The following GNAO1 variants were observed in gnomAD, a reference collection of about 807,000 sequenced individuals.
The protein encoded by GNAO1 is G protein subunit alpha o1, also known as guanine nucleotide-binding protein G(o) subunit alpha.
For synonymous variants in GNAO1, 164 were observed against 180.7 expected (o/e 0.91, Z 0.74); for missense variants, 166 against 478.7 (o/e 0.35, Z 6.10).
chr16:56,257,531 G>T lies in GNAO1; in HGVS notation c.162-18400G>T, dbSNP rs73554437. Among the ~76,000 whole-genome samples, 1,179 of 152,140 alleles carry T rather than the reference G, an allele frequency of 7.7e-3. 18 individuals carry two copies. The highest frequency in any genetic ancestry group is 0.027 in the African/African-American group (1,123 of 41,502). ...CAGCTGTGTAGAGCCTTCTGGCTGTGCATCTTGTTGGGTCCTTGGGGGGGT... is the reference window on the plus strand; with the variant it reads ...CAGCTGTGTAGAGCCTTCTGGCTGTTCATCTTGTTGGGTCCTTGGGGGGGT... On this transcript the variant is annotated intron_variant, in intron 2 of 8. Transcript: ENST00000262493.
At chr16:56,210,659 TAATGATAAATGA>T (rs2036377671) in intron 2 of GNAO1, among the ~76,000 whole-genome samples, 1 of 152,262 alleles carries the variant, frequency 6.6e-6, no homozygotes, top group South Asian at 2.1e-4. Context: ...TGGATTTCTC[TAATGATAAATGA>T]TGCGGAGCAT....
intron 3 of GNAO1, among the ~76,000 whole-genome samples, chr16:56,286,214 T>C (rs1248300305): frequency 2.0e-5 from 3 of 152,178 alleles, no homozygotes; most frequent in African/African-American, 7.2e-5. Flanking sequence ...GCACACACGC[T>C]CATCAGCTTC....
chr16:56,346,477 T>C, intron 6 of GNAO1: 2 of 985,418 alleles, frequency 2.0e-6, no homozygotes, highest in Non-Finnish European at 2.4e-6. Context: ...CTTTCATGCC[T>C]ATGGGCCAGT....
chr16:56,336,459 T>C (rs1407034625), intron 5 of GNAO1: 1 of 344,922 alleles, frequency 2.9e-6, no homozygotes, highest in Admixed American at 4.5e-5. Flanking sequence ...GCCCTCTTAG[T>C]AAAATGCTCC....
At chr16:56,337,928 A>T (rs1276176672) in intron 6 of GNAO1, among the ~76,000 whole-genome samples, 1 of 152,128 alleles carries the variant, frequency 6.6e-6, no homozygotes, top group Non-Finnish European at 1.5e-5. Flanking sequence ...TTCTGTCTGG[A>T]ACACATGCAA....
rs1451256594 is a variant in GNAO1, at chr16:56,336,821, C to T, written c.684C>T (p.Leu228=). The T allele has an allele frequency of 1.9e-6, 3 of 1,613,378 alleles. No homozygotes were observed. The highest frequency in any genetic ancestry group is 3.3e-5 in the Admixed American group (2 of 59,990). Residue 228 remains leucine, a synonymous_variant, in exon 6 of 9, where the codon CTC becomes CTT. Transcript: ENST00000262493. ...DVTAIIFCVA[L]SGYDQVLHED... ...CGGCCATCATTTTCTGTGTCGCGCT[C>T]AGCGGCTATGACCAGGTGCTCCACG...
intron 4 of GNAO1, among the ~76,000 whole-genome samples, chr16:56,332,334 G>A (rs1257552556): frequency 3.9e-5 from 6 of 152,016 alleles, no homozygotes; most frequent in Non-Finnish European, 5.9e-5. Context: ...GCTTCCTGCC[G>A]CCATGCCTGC....
At chr16:56,345,038 GC>G in intron 6 of GNAO1, 2 of 985,422 alleles carry the variant, frequency 2.0e-6, no homozygotes, top group South Asian at 9.4e-5. Flanking sequence ...TTGGACCCAG[GC>G]CAGCACAAAC....
At chr16:56,198,859 C>A (rs1253049048) in intron 2 of GNAO1, among the ~76,000 whole-genome samples, 1 of 152,162 alleles carries the variant, frequency 6.6e-6, no homozygotes, top group Non-Finnish European at 1.5e-5. Context: ...TGGCTTCTTC[C>A]CCTTGCCTGC....
chr16:56,289,719 G>A (rs1324670032), intron 3 of GNAO1, among the ~76,000 whole-genome samples: 1 of 152,168 alleles, frequency 6.6e-6, no homozygotes. Flanking sequence ...AGGCCTTTGG[G>A]CAGCTGGCTG....
At chr16:56,259,611 A>T (rs2036884770) in intron 2 of GNAO1, among the ~76,000 whole-genome samples, 1 of 152,240 alleles carries the variant, frequency 6.6e-6, no homozygotes, top group Non-Finnish European at 1.5e-5. Flanking sequence ...TCATCCATGC[A>T]TCCATTGTTC....
chr16:56,250,332 C>G lies in GNAO1; in HGVS notation c.162-25599C>G, dbSNP rs116866757. 6.3e-3 allele frequency among the ~76,000 whole-genome samples: 952 copies of G among 152,284 alleles called. 3 individuals are homozygous for G. The highest frequency in any genetic ancestry group is 0.012 in the Admixed American group (177 of 15,300). On this transcript the variant is annotated intron_variant, in intron 2 of 8. Coordinates refer to ENST00000262493, the MANE Select transcript of GNAO1 (RefSeq NM_020988.3). ...CACAGATCTAGAAGGCCAACCATCT[C>G]AAGGAAGGAATTCTTGAAGAACTGT...
chr16:56,203,359 A>G (rs769833461), intron 2 of GNAO1, among the ~76,000 whole-genome samples: 3 of 152,072 alleles, frequency 2.0e-5, no homozygotes, highest in Non-Finnish European at 4.4e-5. Flanking sequence ...GAGGCCAATC[A>G]TCATCCTTCT....
intron 6 of GNAO1, chr16:56,340,557 C>T (rs1236265935): frequency 6.0e-6 from 2 of 330,662 alleles, no homozygotes; most frequent in East Asian, 3.9e-5. Flanking sequence ...GACCTCACTG[C>T]CCCCACCTGG....
intron 2 of GNAO1, among the ~76,000 whole-genome samples, chr16:56,210,712 T>A (rs1302355997): frequency 6.6e-6 from 1 of 152,264 alleles, no homozygotes; most frequent in Non-Finnish European, 1.5e-5. Flanking sequence ...CATCTGTATA[T>A]CTCCTTTGGT....
At chr16:56,281,617 T>G (rs2037115360) in intron 3 of GNAO1, among the ~76,000 whole-genome samples, 1 of 148,814 alleles carries the variant, frequency 6.7e-6, no homozygotes. Flanking sequence ...CCTCTCTCCC[T>G]CCCTTCCTCC....
chr16:56,288,732 G>A (rs1157361394), intron 3 of GNAO1, among the ~76,000 whole-genome samples: 1 of 152,126 alleles, frequency 6.6e-6, no homozygotes, highest in Non-Finnish European at 1.5e-5. Context: ...CTCAGCAGCA[G>A]GGGTGGAGGC....
intron 6 of GNAO1, chr16:56,345,772 A>C: frequency 1.0e-6 from 1 of 985,540 alleles, no homozygotes; most frequent in Non-Finnish European, 1.2e-6. Flanking sequence ...CATGGCAGTT[A>C]TTTCTCAGCA....
At chr16:56,256,724 G>C (rs879667829) in intron 2 of GNAO1, among the ~76,000 whole-genome samples, 6,340 of 53,708 alleles carry the variant, frequency 0.12, 151 homozygotes, top group South Asian at 0.15. Flanking sequence ...CTCTCTGTGT[G>C]TGTGTGTGTG....
Sources: allele counts gnomAD v4.1 joint callset (sites outside exome capture counted in the v4.1 genomes callset), GRCh38; gene constraint gnomAD v4.1.1; transcripts MANE v1.5; gene names NCBI Gene and HGNC (gene_info 2026-07-23, HGNC 2026-07-21).